NCAM1: variants seen among roughly 807,000 people sequenced by gnomAD.
The protein encoded by NCAM1 is neural cell adhesion molecule 1.
A neutral mutation model predicts 109.8 loss-of-function variants in NCAM1; 14 were observed. The ratio of observed to expected loss-of-function variants is 0.13; its 90% CI spans 0.08 to 0.20. The LOEUF (loss-of-function observed/expected upper bound fraction) is 0.20. Among genes scored for constraint, NCAM1 ranks in the 10% least tolerant of loss-of-function variants. The pLI is 1.00. For missense variants in NCAM1, 774 were observed against 1,109.9 expected (o/e 0.70, Z 4.30); for synonymous variants, 418 against 442.9 (o/e 0.94, Z 0.70).
At chr11:112,971,289 G>A (rs1380779594) in intron 1 of NCAM1, among the ~76,000 whole-genome samples, 1 of 151,290 alleles carries the variant, frequency 6.6e-6, no homozygotes, top group African/African-American at 2.4e-5. Context: ...ATGTAACTTG[G>A]TTGTAATGGA....
intron 1 of NCAM1, among the ~76,000 whole-genome samples, chr11:112,986,281 T>A (rs1049038292): frequency 2.0e-5 from 3 of 152,038 alleles, no homozygotes; most frequent in African/African-American, 7.2e-5. Context: ...TGGTGAGTTA[T>A]CCTTTTAATG....
intron 16 of NCAM1, among the ~76,000 whole-genome samples, chr11:113,257,085 G>T (rs551359504): frequency 3.9e-5 from 6 of 152,344 alleles, no homozygotes; most frequent in African/African-American, 1.2e-4. Context: ...GTAAGCAGAT[G>T]TGAGCTGAAA....
At chr11:112,976,715 G>A (rs1362879377) in intron 1 of NCAM1, among the ~76,000 whole-genome samples, 4 of 151,786 alleles carry the variant, frequency 2.6e-5, no homozygotes, top group South Asian at 2.1e-4. Flanking sequence ...AGAGAAGATC[G>A]GTTTGATTTA....
intron 1 of NCAM1, among the ~76,000 whole-genome samples, chr11:113,085,218 C>G (rs1565426920): frequency 6.6e-6 from 1 of 152,204 alleles, no homozygotes; most frequent in Non-Finnish European, 1.5e-5. Context: ...TGTCTGCAAA[C>G]AGCTGTACCA....
chr11:113,153,434 G>A (rs1380327932), intron 1 of NCAM1, among the ~76,000 whole-genome samples: 2 of 149,796 alleles, frequency 1.3e-5, no homozygotes, highest in African/African-American at 5.0e-5. Flanking sequence ...GTGGGGAGGG[G>A]GGGCACAGAG....
intron 1 of NCAM1, among the ~76,000 whole-genome samples, chr11:113,196,791 G>T (rs1943868151): frequency 6.6e-6 from 1 of 152,192 alleles, no homozygotes; most frequent in Non-Finnish European, 1.5e-5. Context: ...CACTTTCACT[G>T]ATTTTGTAGG....
chr11:113,165,052 CGA>C (rs1942740753), intron 1 of NCAM1, among the ~76,000 whole-genome samples: 1 of 152,080 alleles, frequency 6.6e-6, no homozygotes, highest in Non-Finnish European at 1.5e-5. Flanking sequence ...AATTTTGTCA[CGA>C]TATCACAGGG....
intron 1 of NCAM1, among the ~76,000 whole-genome samples, chr11:113,110,731 G>A (rs782732347): frequency 6.6e-6 from 1 of 152,198 alleles, no homozygotes; most frequent in Non-Finnish European, 1.5e-5. Flanking sequence ...TTTCTAAAAC[G>A]AAATGTCTTG....
At chr11:113,141,356 G>C (rs1379625587) in intron 1 of NCAM1, among the ~76,000 whole-genome samples, 1 of 152,176 alleles carries the variant, frequency 6.6e-6, no homozygotes, top group South Asian at 2.1e-4. Flanking sequence ...AGCTGGCCGG[G>C]TGCAATGGCT....
At chr11:113,129,277 G>C (rs1404423720) in intron 1 of NCAM1, among the ~76,000 whole-genome samples, 3 of 152,150 alleles carry the variant, frequency 2.0e-5, no homozygotes, top group Admixed American at 2.0e-4. Flanking sequence ...TCTCTCATTA[G>C]CTTGGTATCT....
intron 14 of NCAM1, chr11:113,240,913 T>G: frequency 1.5e-6 from 2 of 1,369,104 alleles, no homozygotes; most frequent in Non-Finnish European, 2.1e-6. Flanking sequence ...TGTTATCTCC[T>G]TCACCAGGTG....
chr11:113,238,655 A>C (rs1382269783), intron 14 of NCAM1, among the ~76,000 whole-genome samples: 1 of 152,218 alleles, frequency 6.6e-6, no homozygotes, highest in Non-Finnish European at 1.5e-5. Flanking sequence ...GTCTGAACTT[A>C]GGTAGACAGA....
At chr11:113,082,959 G>A (rs1938906135) in intron 1 of NCAM1, among the ~76,000 whole-genome samples, 1 of 152,036 alleles carries the variant, frequency 6.6e-6, no homozygotes, top group African/African-American at 2.4e-5. Flanking sequence ...AGTAATATCA[G>A]ATACCTTTAC....
intron 1 of NCAM1, among the ~76,000 whole-genome samples, chr11:113,081,982 C>G (rs913440663): frequency 1.6e-4 from 25 of 152,214 alleles, no homozygotes; most frequent in African/African-American, 5.3e-4. Flanking sequence ...TACACACATT[C>G]TCTTTACACT....
At chr11:113,149,737 C>T (rs1390113398) in intron 1 of NCAM1, among the ~76,000 whole-genome samples, 1 of 152,146 alleles carries the variant, frequency 6.6e-6, no homozygotes, top group Non-Finnish European at 1.5e-5. Flanking sequence ...CTTTTCATTG[C>T]AGATGGATTA....
rs1555117640 is a variant in NCAM1, at chr11:113,233,196, A to C, written c.1572A>C (p.Thr524=). The C allele has an allele frequency of 6.2e-7, 1 of 1,613,902 alleles. No homozygotes were observed. Residue 524 remains threonine (T), a synonymous_variant, in exon 13 of 20, where the codon ACA becomes ACC. Transcript: ENST00000316851. The surrounding 1 kb of genome is among the most constrained non-coding windows in gnomAD (Gnocchi z 4.5). ...ACCAGGTGGAGCCATACTCCAGCAC[A>C]GCCCAGGTGCAGTTTGATGAACCAG... ...SIDQVEPYSS[T]AQVQFDEPEA... is the part of the protein sequence containing the mutation.
chr11:113,185,611 A>G (rs1943484576), intron 1 of NCAM1, among the ~76,000 whole-genome samples: 1 of 152,240 alleles, frequency 6.6e-6, no homozygotes, highest in Non-Finnish European at 1.5e-5. Context: ...CAAATGCATG[A>G]AATGGGAGTT....
chr11:113,161,389 A>G (rs1362344820), intron 1 of NCAM1, among the ~76,000 whole-genome samples: 1 of 151,678 alleles, frequency 6.6e-6, no homozygotes, highest in African/African-American at 2.4e-5. Flanking sequence ...TTTTCTTGTT[A>G]TTGCCAAACC....
At chr11:113,133,176 C>T (rs1230331189) in intron 1 of NCAM1, 1 of 152,162 alleles carries the variant, frequency 6.6e-6, no homozygotes, top group Non-Finnish European at 1.5e-5. Flanking sequence ...TCTCTTTGTT[C>T]TTTGTGCCAG....
Sources: allele counts gnomAD v4.1 joint callset (sites outside exome capture counted in the v4.1 genomes callset), GRCh38; gene constraint gnomAD v4.1.1; non-coding constraint Gnocchi (gnomAD v3.1); transcripts MANE v1.5; gene names NCBI Gene and HGNC (gene_info 2026-07-23, HGNC 2026-07-21).